ARID2: variants seen among roughly 807,000 people sequenced by gnomAD.
The protein encoded by ARID2 is AT-rich interactive domain-containing protein 2.
Under a neutral mutation model 184.6 loss-of-function variants are expected in ARID2, and 32 were observed. The ratio of observed to expected loss-of-function variants is 0.17; its 90% CI spans 0.13 to 0.23. ARID2 has a LOEUF of 0.23. Ranked by LOEUF, ARID2 falls within the 10% of genes least tolerant of loss-of-function variation. The probability of loss-of-function intolerance (pLI) is 1.00; values close to 1 mark genes in which losing one functional copy is unlikely to be tolerated. For synonymous variants in ARID2, 836 were observed against 772.6 expected, an observed-to-expected ratio of 1.08 and a Z score of -1.36; for missense variants, 1,696 against 2,197.6, an observed-to-expected ratio of 0.77 and a Z score of 4.56.
chr12:45,873,010 T>C (rs1254802972), intron 16 of ARID2, among the ~76,000 whole-genome samples: 1 of 152,242 alleles, frequency 6.6e-6, no homozygotes, highest in Non-Finnish European at 1.5e-5. Flanking sequence ...TCTTTCTCTT[T>C]GCAGTTCTAT....
chr12:45,807,763 A>G (rs563750307), intron 3 of ARID2, among the ~76,000 whole-genome samples: 23 of 152,270 alleles, frequency 1.5e-4, no homozygotes, highest in Non-Finnish European at 2.9e-4. Flanking sequence ...AATTTCCATT[A>G]AGATTCTAAA....
At position 45,851,325 on chromosome 12, in the gene ARID2, CGTG is replaced by C. The variant is rs1173958153; in HGVS notation, c.3205_3207del (p.Gly1069del). 16 of 1,614,030 alleles carry C rather than the reference CGTG, an allele frequency of 9.9e-6. No homozygotes were observed. Among genetic ancestry groups the C allele is most frequent in the Non-Finnish European group, 1.3e-5 (15 of 1,180,020 alleles). ...GATTAAACAGCTTCTGCTTCCGAAA[CGTG>C]GTCCTTCAACACCAGGTGGTAAGCT... is the stretch of plus-strand genomic sequence containing the variant. On this transcript the variant is annotated inframe_deletion, in exon 15 of 21. Transcript: ENST00000334344.
intron 3 of ARID2, chr12:45,789,657 A>G (rs1942258116): frequency 6.6e-6 from 1 of 152,176 alleles, no homozygotes; most frequent in South Asian, 2.1e-4. Flanking sequence ...TCCCACTACA[A>G]TGGATTTGTC....
At chr12:45,759,518 C>T (rs1156822641) in intron 3 of ARID2, among the ~76,000 whole-genome samples, 1 of 152,026 alleles carries the variant, frequency 6.6e-6, no homozygotes, top group Non-Finnish European at 1.5e-5. Flanking sequence ...AGGTCTTCTT[C>T]CCAAATTCTC....
chr12:45,783,138 A>G (rs1210512672), intron 3 of ARID2, among the ~76,000 whole-genome samples: 1 of 152,008 alleles, frequency 6.6e-6, no homozygotes, highest in Non-Finnish European at 1.5e-5. Context: ...TGTCTCCAAA[A>G]AAAAAAGTGA....
In ARID2 at chr12:45,804,521, CTT is replaced by C. The variant is rs1242820580; in HGVS notation, c.285-6890_285-6889del. Among the ~76,000 whole-genome samples, 3 of 150,348 alleles carry C rather than the reference CTT, an allele frequency of 2.0e-5. No homozygotes were observed. The East Asian group carries it at 5.8e-4, about 29-fold the overall frequency. On this transcript the variant is annotated intron_variant, in intron 3 of 20. Transcript: ENST00000334344. ...GTGTGTGTGTGTGTCTGTATGTAGT[CTT>C]TTTTTTAACTGCAACTTTTATGAAG...
intron 4 of ARID2, 124 bp from the exon 5 acceptor site, chr12:45,817,545 AT>A (rs1022649963): frequency 4.2e-6 from 1 of 240,768 alleles, no homozygotes; most frequent in Non-Finnish European, 7.4e-6. Flanking sequence ...ATATATATAT[AT>A]ATTTATATTA....
intron 15 of ARID2, among the ~76,000 whole-genome samples, chr12:45,854,685 ACTCCAT>A (rs2138184874): frequency 6.6e-6 from 1 of 151,484 alleles, no homozygotes; most frequent in South Asian, 2.1e-4. Context: ...TTAGAGAAAA[ACTCCAT>A]CTCCATCATT....
chr12:45,793,843 C>CT (rs1942339226), intron 3 of ARID2, among the ~76,000 whole-genome samples: 2 of 149,370 alleles, frequency 1.3e-5, no homozygotes, highest in African/African-American at 4.9e-5. Flanking sequence ...AAAGTCATTT[C>CT]TTTTTTTTAG....
chr12:45,751,264 T>C (rs1334998119), intron 3 of ARID2, among the ~76,000 whole-genome samples: 1 of 152,144 alleles, frequency 6.6e-6, no homozygotes, highest in East Asian at 1.9e-4. Context: ...AGGTGGATAT[T>C]TGGGATAAGA....
At chr12:45,881,984 C>T (rs1176658508) in intron 16 of ARID2, 2 of 197,972 alleles carry the variant, frequency 1.0e-5, no homozygotes, top group African/African-American at 2.4e-5. Flanking sequence ...CGCCTGCTTC[C>T]TGGGGCTGGG....
intron 4 of ARID2, among the ~76,000 whole-genome samples, chr12:45,812,539 T>C (rs1592092272): frequency 2.0e-5 from 3 of 152,126 alleles, no homozygotes; most frequent in African/African-American, 4.8e-5. Flanking sequence ...GGGGTAGGGG[T>C]GAAGCAGGGA....
chr12:45,771,381 T>C (rs1020393991), intron 3 of ARID2, among the ~76,000 whole-genome samples: 1 of 147,380 alleles, frequency 6.8e-6, no homozygotes, highest in African/African-American at 2.5e-5. Flanking sequence ...AAAGCAATTG[T>C]GGGCTGGGTA....
At chr12:45,769,784 C>T (rs1381681941) in intron 3 of ARID2, among the ~76,000 whole-genome samples, 1 of 152,144 alleles carries the variant, frequency 6.6e-6, no homozygotes, top group Admixed American at 6.5e-5. Context: ...ATCTTGAGAG[C>T]AGCAACATAA....
chr12:45,831,538 CA>C (rs1254460147), intron 6 of ARID2, among the ~76,000 whole-genome samples: 1 of 152,132 alleles, frequency 6.6e-6, no homozygotes, highest in Non-Finnish European at 1.5e-5. Context: ...TCCACTTATA[CA>C]TTTTTAGTTA....
At position 45,729,904 on chromosome 12, in the gene ARID2, TGCG is replaced by T; in HGVS notation, c.71_73del (p.Arg24del). The T allele has an allele frequency of 6.2e-7, 1 of 1,610,376 alleles. No individual in the cohort carries two copies. The highest frequency in any genetic ancestry group is 8.5e-7 in the Non-Finnish European group (1 of 1,178,684). On this transcript the variant is annotated inframe_deletion, in exon 1 of 21. Coordinates refer to ENST00000334344, the MANE Select transcript of ARID2 (RefSeq NM_152641.4). ...AAGGGACTCGCTTTCCTGGACGAGC[TGCG>T]GCAGTTCCACCACAGCAGAGGGTGA...
intron 3 of ARID2, among the ~76,000 whole-genome samples, chr12:45,788,288 A>G (rs900634459): frequency 6.6e-6 from 1 of 152,184 alleles, no homozygotes; most frequent in Admixed American, 6.5e-5. Flanking sequence ...CTCAGTACAC[A>G]GTCTTCTTTA....
chr12:45,838,446 A>G (rs1409663117), intron 10 of ARID2, among the ~76,000 whole-genome samples: 1 of 152,252 alleles, frequency 6.6e-6, no homozygotes, highest in Non-Finnish European at 1.5e-5. Flanking sequence ...GCTACACATC[A>G]GAATCACTTG....
chr12:45,846,804 A>G lies in ARID2; in HGVS notation c.1499-52A>G, dbSNP rs933367652. 7 of 1,567,212 alleles carry G rather than the reference A, an allele frequency of 4.5e-6. No individual in the cohort carries two copies. In the African/African-American group the frequency reaches 5.4e-5, roughly 12 times the overall value. ...AATATCCATAAAAAAAAGTATGGCA[A>G]ATAGTGACTAACTTTTAAGAAATGA... On this transcript the variant is annotated intron_variant, in intron 11 of 20. Transcript: ENST00000334344.
Sources: gnomAD v4.1 joint callset for allele counts (sites outside exome capture counted in the v4.1 genomes callset) on GRCh38, gnomAD v4.1.1 for gene constraint, MANE v1.5 for transcripts, NCBI Gene and HGNC (gene_info 2026-07-23, HGNC 2026-07-21) for gene names.